CAMTA1: variants seen among roughly 807,000 people sequenced by gnomAD.
CAMTA1 encodes the protein calmodulin binding transcription activator 1.
Under a neutral mutation model 170.9 loss-of-function variants are expected in CAMTA1, and 27 were observed. The ratio of observed to expected loss-of-function variants is 0.16; its 90% CI spans 0.12 to 0.22. The LOEUF is 0.22. CAMTA1 is among the 10% of genes least tolerant of loss of function. The probability of loss-of-function intolerance (pLI) is 1.00; values close to 1 mark genes in which losing one functional copy is unlikely to be tolerated. For missense variants in CAMTA1, 1,619 were observed against 2,217.2 expected (o/e 0.73, Z 5.42); for synonymous variants, 833 against 891.5 (o/e 0.93, Z 1.17).
intron 1 of CAMTA1, among the ~76,000 whole-genome samples, chr1:6,803,427 C>G (rs1192111086): frequency 6.6e-6 from 1 of 152,004 alleles, no homozygotes; most frequent in Non-Finnish European, 1.5e-5. Flanking sequence ...TCTTGTTGTT[C>G]TTGATTTTTC....
chr1:6,929,840 A>G (rs1358261574), intron 3 of CAMTA1, among the ~76,000 whole-genome samples: 1 of 152,174 alleles, frequency 6.6e-6, no homozygotes, highest in East Asian at 1.9e-4. Flanking sequence ...AGCACTATTG[A>G]AAACCTGCTG....
At chr1:7,496,477 G>A (rs1279413277) in intron 6 of CAMTA1, among the ~76,000 whole-genome samples, 5 of 152,152 alleles carry the variant, frequency 3.3e-5, no homozygotes, top group Non-Finnish European at 7.3e-5. Flanking sequence ...GTGCACATGC[G>A]TGCCCAGGTC....
intron 3 of CAMTA1, among the ~76,000 whole-genome samples, chr1:6,957,140 G>T (rs1485989868): frequency 6.6e-6 from 1 of 152,198 alleles, no homozygotes; most frequent in Non-Finnish European, 1.5e-5. Context: ...TGCGCTCTTT[G>T]GGAAAGAAGC....
At chr1:7,717,029 C>G (rs1463948554) in intron 11 of CAMTA1, among the ~76,000 whole-genome samples, 1 of 152,118 alleles carries the variant, frequency 6.6e-6, no homozygotes, top group African/African-American at 2.4e-5. Flanking sequence ...CACAGAAAGA[C>G]AAATGCCACA....
At chr1:7,481,912 C>A (rs1294809115) in intron 6 of CAMTA1, among the ~76,000 whole-genome samples, 1 of 151,702 alleles carries the variant, frequency 6.6e-6, no homozygotes, top group African/African-American at 2.4e-5. Flanking sequence ...TCAGTCATAC[C>A]CTAAGCCCAC....
intron 6 of CAMTA1, among the ~76,000 whole-genome samples, chr1:7,567,932 T>C (rs1317646069): frequency 6.6e-6 from 1 of 152,196 alleles, no homozygotes; most frequent in African/African-American, 2.4e-5. Context: ...TGTTTCCACA[T>C]AGTAAAGTGA....
chr1:7,504,931 C>T lies in CAMTA1; in HGVS notation c.510+37030C>T, dbSNP rs577464697. Among the ~76,000 whole-genome samples, 1,142 of 150,840 alleles carry T rather than the reference C, an allele frequency of 7.6e-3. 15 individuals carry two copies. The highest frequency in any genetic ancestry group is 0.026 in the African/African-American group (1,071 of 40,626). ...TGTAGCGCACAGCCTCCTTCACGGG[C>T]GGACATGGCACAAGCACACAGATGC... On this transcript the variant is annotated intron_variant, in intron 6 of 22. Coordinates refer to ENST00000303635, the MANE Select transcript of CAMTA1 (RefSeq NM_015215.4).
intron 11 of CAMTA1, among the ~76,000 whole-genome samples, chr1:7,678,169 A>G (rs971709901): frequency 2.0e-5 from 3 of 152,228 alleles, no homozygotes; most frequent in Non-Finnish European, 4.4e-5. Context: ...CCAAGCCCCA[A>G]GCCTCTCGAG....
At chr1:7,656,484 G>T (rs1012721977) in intron 7 of CAMTA1, among the ~76,000 whole-genome samples, 5 of 152,260 alleles carry the variant, frequency 3.3e-5, no homozygotes, top group Non-Finnish European at 1.5e-5. Flanking sequence ...CTCCTTAAAA[G>T]TCTGTTTCCA....
intron 7 of CAMTA1, among the ~76,000 whole-genome samples, chr1:7,649,588 G>GT (rs2095834902): frequency 1.7e-5 from 1 of 59,552 alleles, no homozygotes; most frequent in Non-Finnish European, 3.4e-5. Flanking sequence ...TTCCTACTTT[G>GT]CTCCAGGATC....
At chr1:7,579,846 C>G (rs2095243590) in intron 6 of CAMTA1, among the ~76,000 whole-genome samples, 2 of 152,188 alleles carry the variant, frequency 1.3e-5, no homozygotes, top group Non-Finnish European at 2.9e-5. Context: ...AAGCGTGAGC[C>G]ACCGCGCCCA....
At chr1:7,344,271 T>C (rs2084059038) in intron 5 of CAMTA1, among the ~76,000 whole-genome samples, 1 of 152,224 alleles carries the variant, frequency 6.6e-6, no homozygotes, top group South Asian at 2.1e-4. Context: ...TTCCCTGGCA[T>C]AGCAGCTCAG....
chr1:6,904,663 G>A (rs1411721618), intron 3 of CAMTA1, among the ~76,000 whole-genome samples: 2 of 147,214 alleles, frequency 1.4e-5, no homozygotes, highest in African/African-American at 2.5e-5. Flanking sequence ...AAACTTCCAG[G>A]CTCAAGCAGT....
At position 7,426,127 on chromosome 1, in the gene CAMTA1, C is replaced by A. The variant is rs1248521256; in HGVS notation, c.439-41703C>A. 6.6e-6 allele frequency among the ~76,000 whole-genome samples: 1 copy of A among 152,042 alleles called. No homozygotes were observed. Among genetic ancestry groups the A allele is most frequent in the African/African-American group, 2.4e-5 (1 of 41,276 alleles). Reference sequence around the variant, plus strand: ...CTTCTGCTAGTCCCATCAGCCACCCCATCTCTAAACACTTCTGAGCAGATT... The same window carrying A: ...CTTCTGCTAGTCCCATCAGCCACCCAATCTCTAAACACTTCTGAGCAGATT... On this transcript the variant is annotated intron_variant, in intron 5 of 22. Coordinates refer to ENST00000303635, the MANE Select transcript of CAMTA1 (RefSeq NM_015215.4). The surrounding 1 kb of genome is among the most constrained non-coding windows in gnomAD (Gnocchi z 4.8).
intron 5 of CAMTA1, among the ~76,000 whole-genome samples, chr1:7,317,841 A>G (rs1379510640): frequency 6.6e-6 from 1 of 152,158 alleles, no homozygotes; most frequent in African/African-American, 2.4e-5. Context: ...GTTAAAAAAA[A>G]TAATAATTGT....
intron 1 of CAMTA1, among the ~76,000 whole-genome samples, chr1:6,786,414 C>T (rs1244403630): frequency 6.6e-6 from 1 of 152,126 alleles, no homozygotes. Context: ...CTTCCGTGAC[C>T]CCGATCCTTC....
intron 4 of CAMTA1, among the ~76,000 whole-genome samples, chr1:7,096,517 A>G (rs1642096564): frequency 1.3e-5 from 2 of 150,462 alleles, no homozygotes; most frequent in Non-Finnish European, 3.0e-5. Flanking sequence ...CCTGACTCCC[A>G]CTCTGCTTTC....
chr1:6,787,197 A>G (rs376398293), intron 1 of CAMTA1, among the ~76,000 whole-genome samples: 43 of 152,324 alleles, frequency 2.8e-4, no homozygotes, highest in African/African-American at 9.9e-4. Flanking sequence ...AATTGTATTC[A>G]TGTTGGCTGG....
intron 6 of CAMTA1, among the ~76,000 whole-genome samples, chr1:7,572,761 T>G (rs543076777): frequency 6.6e-6 from 1 of 152,222 alleles, no homozygotes; most frequent in African/African-American, 2.4e-5. Context: ...ACATAGGAAT[T>G]TGGGGGAAGA....
Sources: allele counts gnomAD v4.1 joint callset (sites outside exome capture counted in the v4.1 genomes callset), GRCh38; gene constraint gnomAD v4.1.1; non-coding constraint Gnocchi (gnomAD v3.1); transcripts MANE v1.5; gene names NCBI Gene and HGNC (gene_info 2026-07-23, HGNC 2026-07-21).